Variants in RARB observed in about 807,000 individuals in gnomAD.
RARB encodes HBV-activated protein.
RARB carries 17 observed loss-of-function variants against 51.9 expected under a neutral mutation model. That is an observed-to-expected ratio of 0.33 (90% CI 0.22 to 0.49). The LOEUF is 0.49. Ranked by LOEUF, RARB falls within the 20% of genes least tolerant of loss-of-function variation. The pLI, the probability that RARB is intolerant of heterozygous loss-of-function variation, is 0.99. For missense variants in RARB, 369 were observed against 550.8 expected (o/e 0.67, Z 3.30); for synonymous variants, 215 against 195.4 (o/e 1.10, Z -0.84).
intron 3 of RARB, among the ~76,000 whole-genome samples, chr3:25,502,595 G>C (rs1216188620): frequency 6.6e-6 from 1 of 152,134 alleles, no homozygotes; most frequent in Non-Finnish European, 1.5e-5. Flanking sequence ...CTTCACAGCT[G>C]GGATCCACTC....
At chr3:25,134,432 T>C (rs1699998859) in intron 4 of RARB, among the ~76,000 whole-genome samples, 1 of 151,930 alleles carries the variant, frequency 6.6e-6, no homozygotes, top group African/African-American at 2.4e-5. Context: ...TTCTTTTAAG[T>C]AAACCTTTTC....
intron 2 of RARB, among the ~76,000 whole-genome samples, chr3:24,936,873 G>C (rs866320420): frequency 6.6e-6 from 1 of 152,072 alleles, no homozygotes; most frequent in South Asian, 2.1e-4. Flanking sequence ...CTTGAGAATG[G>C]TCTCCGGTTA....
chr3:25,416,191 G>A (rs1401549617), intron 5 of RARB, among the ~76,000 whole-genome samples: 1 of 152,144 alleles, frequency 6.6e-6, no homozygotes, highest in Non-Finnish European at 1.5e-5. Context: ...AGACCAGCCT[G>A]GGCAATGTAG....
intron 2 of RARB, among the ~76,000 whole-genome samples, chr3:25,022,366 C>T (rs1012109709): frequency 2.0e-5 from 3 of 152,126 alleles, no homozygotes; most frequent in Admixed American, 6.5e-5. Context: ...TTTCTTTGCT[C>T]AACATTCCCT....
rs146449927 is a variant in RARB at position 25,492,765 on chromosome 3, C to A, written c.307-8417C>A. Among the ~76,000 whole-genome samples, 866 of 152,248 alleles carry A rather than the reference C, an allele frequency of 5.7e-3. 4 individuals carry two copies. Among genetic ancestry groups the A allele is most frequent in the Middle Eastern group, 0.02 (6 of 294 alleles). On this transcript the variant is annotated intron_variant, in intron 2 of 7. Coordinates refer to ENST00000330688, the MANE Select transcript of RARB (RefSeq NM_000965.5). ...ATTTTCAAAATTCAGGCTTTCTTTTCTAATAGTAAGTGTGCCGAGGAAGCT... is the reference window on the plus strand; with the variant it reads ...ATTTTCAAAATTCAGGCTTTCTTTTATAATAGTAAGTGTGCCGAGGAAGCT...
chr3:25,545,313 C>T (rs1699575846), intron 3 of RARB, among the ~76,000 whole-genome samples: 1 of 152,100 alleles, frequency 6.6e-6, no homozygotes, highest in South Asian at 2.1e-4. Context: ...CAGTGATGGG[C>T]TCTACTGAAC....
At chr3:25,561,667 A>G (rs960539123) in intron 3 of RARB, among the ~76,000 whole-genome samples, 1 of 152,080 alleles carries the variant, frequency 6.6e-6, no homozygotes, top group Non-Finnish European at 1.5e-5. Context: ...CTTCATTTCT[A>G]TTTTACATAA....
intron 5 of RARB, among the ~76,000 whole-genome samples, chr3:25,413,050 G>GA (rs972115514): frequency 2.7e-5 from 4 of 150,888 alleles, no homozygotes; most frequent in African/African-American, 9.7e-5. Context: ...GAAGAAGAAA[G>GA]AAAAAATATG....
At chr3:25,581,684 C>T (rs71313306) in intron 5 of RARB, among the ~76,000 whole-genome samples, 9 of 152,016 alleles carry the variant, frequency 5.9e-5, no homozygotes, top group East Asian at 1.9e-4. Flanking sequence ...GGTCTTTGGG[C>T]GGGGGCGATT....
chr3:25,231,445 GC>G (rs1285013939), intron 5 of RARB, among the ~76,000 whole-genome samples: 1 of 152,096 alleles, frequency 6.6e-6, no homozygotes, highest in Non-Finnish European at 1.5e-5. Flanking sequence ...TAGACCTTTA[GC>G]TTTATGTTCT....
intron 5 of RARB, among the ~76,000 whole-genome samples, chr3:25,239,787 C>G (rs927140388): frequency 9.2e-5 from 14 of 152,030 alleles, no homozygotes; most frequent in African/African-American, 3.4e-4. Flanking sequence ...TATTCAGGCT[C>G]TTTTTTGGTT....
intron 5 of RARB, among the ~76,000 whole-genome samples, chr3:25,248,818 G>A (rs527822304): frequency 1.3e-5 from 2 of 152,048 alleles, no homozygotes; most frequent in African/African-American, 4.8e-5. Flanking sequence ...AGTCTGGTTG[G>A]GGTTCCCTTA....
intron 5 of RARB, among the ~76,000 whole-genome samples, chr3:25,206,657 T>C (rs1360872548): frequency 6.6e-6 from 1 of 152,178 alleles, no homozygotes; most frequent in African/African-American, 2.4e-5. Context: ...AGTATTTGCA[T>C]GAAATACAGT....
At chr3:25,010,694 G>A (rs1240955951) in intron 2 of RARB, among the ~76,000 whole-genome samples, 1 of 152,082 alleles carries the variant, frequency 6.6e-6, no homozygotes, top group Non-Finnish European at 1.5e-5. Context: ...TTCTCAAAGA[G>A]CAAGGTGATG....
At chr3:24,947,944 A>ATT (rs113778401) in intron 2 of RARB, among the ~76,000 whole-genome samples, 3 of 147,042 alleles carry the variant, frequency 2.0e-5, no homozygotes, top group African/African-American at 5.0e-5. Flanking sequence ...GATGTTACCA[A>ATT]TTTTTTTTTT....
At position 25,569,789 on chromosome 3, in the gene RARB, G is replaced by A; in HGVS notation, c.480G>A (p.Lys160=). The part of the protein sequence containing the change: ...SVRNDRNKKK[K]ETSKQECTES... ...GGAATGACAGGAACAAGAAAAAGAA[G>A]GAGACTTCGAAGCAAGAATGCACAG... is the stretch of plus-strand genomic sequence containing the variant. Residue 160 remains lysine (K), a synonymous_variant, in exon 4 of 8, where the codon AAG becomes AAA. Coordinates refer to ENST00000330688, the MANE Select transcript of RARB (RefSeq NM_000965.5). 1 of 1,614,158 alleles carries A rather than the reference G, an allele frequency of 6.2e-7. No homozygotes were observed. The highest frequency in any genetic ancestry group is 8.5e-7 in the Non-Finnish European group (1 of 1,180,008).
At chr3:25,411,584 A>G (rs886767066) in intron 5 of RARB, among the ~76,000 whole-genome samples, 1 of 152,192 alleles carries the variant, frequency 6.6e-6, no homozygotes, top group Non-Finnish European at 1.5e-5. Flanking sequence ...CTCTGGCCTC[A>G]CGCACTAAAT....
intron 3 of RARB, among the ~76,000 whole-genome samples, chr3:25,535,491 A>G (rs925972290): frequency 1.0e-4 from 15 of 150,618 alleles, no homozygotes; most frequent in Non-Finnish European, 1.9e-4. Flanking sequence ...TACACGTGCC[A>G]TGGTGGTTTG....
intron 5 of RARB, among the ~76,000 whole-genome samples, chr3:25,227,031 C>T (rs191221953): frequency 1.8e-4 from 28 of 152,274 alleles, no homozygotes; most frequent in African/African-American, 6.7e-4. Context: ...CTTACTGTTT[C>T]GAGTTGTAGT....
Sources: allele counts gnomAD v4.1 joint callset (sites outside exome capture counted in the v4.1 genomes callset), GRCh38; gene constraint gnomAD v4.1.1; transcripts MANE v1.5; gene names NCBI Gene and HGNC (gene_info 2026-07-23, HGNC 2026-07-21).